Variants in CLDN14 observed in about 807,000 individuals in gnomAD.
CLDN14 encodes the protein claudin 14, also known as claudin-14.
A neutral mutation model predicts 2.1 loss-of-function variants in CLDN14; 2 were observed. The ratio of observed to expected loss-of-function variants is 0.96; its 90% confidence interval spans 0.39 to 3.01. CLDN14 has a LOEUF of 3.01. Ranked by LOEUF, CLDN14 falls within the 30% of genes most tolerant of loss-of-function variation. The probability of loss-of-function intolerance (pLI) is 0.09; values close to 1 mark genes in which losing one functional copy is unlikely to be tolerated. For missense variants in CLDN14, 298 were observed against 328.0 expected, an observed-to-expected ratio of 0.91 and a Z score of 0.71; for synonymous variants, 136 against 154.4, an observed-to-expected ratio of 0.88 and a Z score of 0.88.
rs1246160913 is a variant in CLDN14 at position 36,551,896 on chromosome 21, C to A, written c.-220+24515G>T. 6.6e-6 allele frequency among the ~76,000 whole-genome samples: 1 copy of A among 152,164 alleles called. No homozygotes were observed. The highest frequency in any genetic ancestry group is 1.9e-4 in the East Asian group (1 of 5,194). On this transcript the variant is annotated intron_variant, in intron 1 of 2. Coordinates refer to the CLDN14 transcript ENST00000342108. The surrounding 1 kb of genome is among the most constrained non-coding windows in gnomAD (Gnocchi z 4.8). ...CAGCCCTGCTGCTCCCAGCCGCAGA[C>A]AAGCCATCCTTCTTGGCTGCTGTTT...
At chr21:36,526,064 C>T (rs1049093713) in intron 1 of CLDN14, among the ~76,000 whole-genome samples, 8 of 152,236 alleles carry the variant, frequency 5.3e-5, no homozygotes, top group African/African-American at 1.9e-4. Context: ...CTACAGAGCC[C>T]CATGCTCTTT....
At chr21:36,524,937 C>T (rs2087311827) in intron 1 of CLDN14, among the ~76,000 whole-genome samples, 1 of 152,214 alleles carries the variant, frequency 6.6e-6, no homozygotes, top group African/African-American at 2.4e-5. Flanking sequence ...CCCTTCCACC[C>T]ACCCTTGGCT....
chr21:36,488,904 A>G (rs1166989132), intron 2 of CLDN14, among the ~76,000 whole-genome samples: 1 of 151,832 alleles, frequency 6.6e-6, no homozygotes, highest in African/African-American at 2.4e-5. Context: ...TGAGGTGGGC[A>G]GATCACCTGA....
intron 1 of CLDN14, among the ~76,000 whole-genome samples, chr21:36,515,827 C>T (rs1211853318): frequency 5.9e-5 from 8 of 136,364 alleles, no homozygotes; most frequent in Admixed American, 3.6e-4. Context: ...CACTCTGTCA[C>T]CCAGGCTGGA....
At chr21:36,572,514 G>A (rs1384571499) in intron 1 of CLDN14, among the ~76,000 whole-genome samples, 1 of 152,160 alleles carries the variant, frequency 6.6e-6, no homozygotes, top group Non-Finnish European at 1.5e-5. Flanking sequence ...TTAGCCAGCT[G>A]ACATGAAAGA....
rs542633087 is a variant in CLDN14, at chr21:36,471,633, C to G, written c.-82+7862G>C. Among the ~76,000 whole-genome samples the G allele has an allele frequency of 5.9e-5, 9 of 152,330 alleles. No homozygotes were observed. In the South Asian group the frequency reaches 1.9e-3, roughly 32 times the overall value. On this transcript the variant is annotated intron_variant, in intron 1 of 1. Transcript: ENST00000399135. ...ACTCAGAAGCCTGCTGAAGCTTTAC[C>G]TTGGAAATCCAGCAGAGCCCACTAG...
intron 1 of CLDN14, among the ~76,000 whole-genome samples, chr21:36,470,443 A>ACCCGCGGAGGATCG (rs1409537935): frequency 6.6e-6 from 1 of 151,836 alleles, no homozygotes; most frequent in African/African-American, 2.4e-5. Flanking sequence ...ATCGCCAGCA[A>ACCCGCGGAGGATCG]CCCGCGGAGA....
intron 1 of CLDN14, among the ~76,000 whole-genome samples, chr21:36,463,280 C>T (rs549298563): frequency 2.6e-5 from 4 of 152,340 alleles, no homozygotes; most frequent in South Asian, 4.1e-4. Flanking sequence ...GTCACTTCAG[C>T]GTCCCAAACC....
chr21:36,479,682 CAA>C lies in CLDN14; in HGVS notation c.-271_-270del. Reference sequence around the variant, plus strand: ...AGTATTTGAGAGAAAATTGTCTAGACAATTACAGTGTTCCTTAGAATGGCCTG... The same window carrying C: ...AGTATTTGAGAGAAAATTGTCTAGACTTACAGTGTTCCTTAGAATGGCCTG... On this transcript the variant is annotated 5_prime_UTR_variant, in exon 1 of 2. It removes the in-frame stop codon of an upstream open reading frame in the 5' UTR. Transcript: ENST00000399135. The C allele has an allele frequency of 6.6e-6, 1 of 152,194 alleles. No homozygotes were observed. The highest frequency in any genetic ancestry group is 1.9e-4 in the East Asian group (1 of 5,190). The allele number at this position is 152,194 out of a possible 1,614,324, so 9.4% of individuals were successfully genotyped here. A position where few individuals can be genotyped will look rare whatever the true frequency, so the allele number is the denominator to read the frequency against.
chr21:36,558,860 C>T (rs2087615528), intron 1 of CLDN14, among the ~76,000 whole-genome samples: 1 of 151,498 alleles, frequency 6.6e-6, no homozygotes, highest in African/African-American at 2.4e-5. Context: ...AGATGCTTGT[C>T]CTTGTCTGGA....
chr21:36,551,125 C>G lies in CLDN14; in HGVS notation c.-220+25286G>C, dbSNP rs910308410. On this transcript the variant is annotated intron_variant, in intron 1 of 2. Coordinates refer to the CLDN14 transcript ENST00000342108. This position sits in a 1 kb window ranked among gnomAD's most constrained non-coding sequence, Gnocchi z 4.8. ...ACGGAACAGACTCCCCTTGGAGCCT[C>G]CAGAAGGAACCAGCCCTTCCTACCC... is the stretch of plus-strand genomic sequence containing the variant. Among the ~76,000 whole-genome samples, 2 of 152,226 alleles carry G rather than the reference C, an allele frequency of 1.3e-5. No individual in the cohort carries two copies. Among genetic ancestry groups the G allele is most frequent in the African/African-American group, 4.8e-5 (2 of 41,466 alleles).
At chr21:36,515,989 T>C (rs2087226322) in intron 1 of CLDN14, among the ~76,000 whole-genome samples, 1 of 151,870 alleles carries the variant, frequency 6.6e-6, no homozygotes, top group Non-Finnish European at 1.5e-5. Flanking sequence ...GGTTTCACCA[T>C]GTTGGCCAGG....
intron 1 of CLDN14, among the ~76,000 whole-genome samples, chr21:36,525,839 G>A (rs7283201): frequency 0.011 from 1,612 of 152,258 alleles, 27 homozygotes; most frequent in African/African-American, 0.037. Context: ...GCTGCCAACC[G>A]GTTACATGGA....
intron 2 of CLDN14, chr21:36,487,522 G>A (rs2086910605): frequency 6.5e-6 from 1 of 152,824 alleles, no homozygotes; most frequent in African/African-American, 2.4e-5. Context: ...TCTTTAGTAA[G>A]GAAATTTCCA....
intron 2 of CLDN14, chr21:36,486,653 C>T (rs8132946): frequency 1.4e-6 from 2 of 1,477,738 alleles, no homozygotes; most frequent in Non-Finnish European, 1.9e-6. Context: ...CAGCTTTTCT[C>T]TGTTCACCTC....
At chr21:36,547,988 G>A (rs1480618268) in intron 1 of CLDN14, among the ~76,000 whole-genome samples, 3 of 152,176 alleles carry the variant, frequency 2.0e-5, no homozygotes, top group African/African-American at 7.2e-5. Context: ...AACCCCAGTG[G>A]CTTTTGGCTG....
At chr21:36,510,668 C>G (rs906298076) in intron 1 of CLDN14, among the ~76,000 whole-genome samples, 1 of 152,246 alleles carries the variant, frequency 6.6e-6, no homozygotes, top group Non-Finnish European at 1.5e-5. Flanking sequence ...TTTCACCTAC[C>G]TTTAATTACC....
At chr21:36,476,038 C>T (rs1200690922) in intron 1 of CLDN14, among the ~76,000 whole-genome samples, 6 of 152,126 alleles carry the variant, frequency 3.9e-5, no homozygotes, top group Middle Eastern at 3.2e-3. Flanking sequence ...AACAGAGAGT[C>T]ATAGTTCAGA....
At chr21:36,471,756 A>T (rs2086713585) in intron 1 of CLDN14, among the ~76,000 whole-genome samples, 1 of 152,264 alleles carries the variant, frequency 6.6e-6, no homozygotes, top group South Asian at 2.1e-4. Context: ...AACCTTCATG[A>T]ATTAGACAAC....
Sources: gnomAD v4.1 joint callset for allele counts (sites outside exome capture counted in the v4.1 genomes callset) on GRCh38, gnomAD v4.1.1 for gene constraint, Gnocchi (gnomAD v3.1) non-coding constraint, MANE v1.5 for transcripts, NCBI Gene and HGNC (gene_info 2026-07-23, HGNC 2026-07-21) for gene names.